Variants in ST7 observed in about 807,000 individuals in gnomAD.
ST7 encodes the protein suppressor of tumorigenicity 7 protein.
A neutral mutation model predicts 78.7 loss-of-function variants in ST7; 28 were observed. The observed-to-expected ratio is 0.36, with a 90% CI of 0.26 to 0.49. ST7 has a LOEUF of 0.49. ST7 is among the 20% of genes least tolerant of loss of function. ST7 has a pLI of 0.99. For synonymous variants in ST7, 247 were observed against 249.6 expected (o/e 0.99, Z 0.10); for missense variants, 418 against 696.0 (o/e 0.60, Z 4.49).
intron 1 of ST7, among the ~76,000 whole-genome samples, chr7:117,034,972 A>G (rs1796801503): frequency 6.6e-6 from 1 of 152,194 alleles, no homozygotes. Flanking sequence ...GGTGATCCGG[A>G]AACAGCATTG....
chr7:117,194,024 C>T (rs1278799957), intron 12 of ST7, among the ~76,000 whole-genome samples: 1 of 152,124 alleles, frequency 6.6e-6, no homozygotes, highest in Non-Finnish European at 1.5e-5. Flanking sequence ...AAGTGTTGCT[C>T]CTTACTACAT....
chr7:117,033,816 A>G (rs1274455037), intron 1 of ST7, among the ~76,000 whole-genome samples: 1 of 152,174 alleles, frequency 6.6e-6, no homozygotes, highest in Non-Finnish European at 1.5e-5. Flanking sequence ...ATAGACTGAA[A>G]TGCTCATTCT....
At chr7:117,130,397 A>G in intron 4 of ST7, 94 bp from the exon 5 acceptor site, 1 of 788,084 alleles carries the variant, frequency 1.3e-6, no homozygotes, top group South Asian at 2.2e-5. Context: ...TATTCAGTTA[A>G]TGGTCTATAT....
At chr7:117,096,900 T>C (rs1002387512) in intron 1 of ST7, among the ~76,000 whole-genome samples, 1 of 152,242 alleles carries the variant, frequency 6.6e-6, no homozygotes, top group Non-Finnish European at 1.5e-5. Flanking sequence ...CTCCATTTAT[T>C]TTAATGCCTA....
rs1177472647 is a variant in ST7 at position 117,099,060 on chromosome 7, AAAAAAC to A, written c.152-696_152-691del. On this transcript the variant is annotated intron_variant, in intron 1 of 15. Transcript: ENST00000323984. ...ACTCACTTTCGCAAAAAAAAAAAAA[AAAAAAC>A]AAAAAAAAAAGAAGAAGAAGAAGGT... is the stretch of plus-strand genomic sequence containing the variant. Among the ~76,000 whole-genome samples, 92 of 144,308 alleles carry A rather than the reference AAAAAAC, an allele frequency of 6.4e-4. 4 individuals are homozygous for A. The highest frequency in any genetic ancestry group is 1.4e-3 in the African/African-American group (53 of 37,956). The allele number at this position is 144,308 out of a possible 152,430, so 94.7% of individuals were successfully genotyped here. A position where few individuals can be genotyped will look rare whatever the true frequency, so the allele number is the denominator to read the frequency against.
chr7:116,957,444 C>T (rs1739777697), intron 1 of ST7, among the ~76,000 whole-genome samples: 1 of 152,006 alleles, frequency 6.6e-6, no homozygotes, highest in South Asian at 2.1e-4. Context: ...GGGATCCTCC[C>T]ACCTCAGCCT....
intron 1 of ST7, among the ~76,000 whole-genome samples, chr7:117,010,949 C>A (rs964716744): frequency 6.6e-6 from 1 of 152,162 alleles, no homozygotes; most frequent in African/African-American, 2.4e-5. Flanking sequence ...GTCTCAGCCC[C>A]TGAGCTGTCC....
At chr7:117,087,866 G>T (rs1256881539) in intron 1 of ST7, among the ~76,000 whole-genome samples, 2 of 151,978 alleles carry the variant, frequency 1.3e-5, no homozygotes, top group Non-Finnish European at 2.9e-5. Flanking sequence ...TATTATAGGC[G>T]CTCCCCTCTG....
At chr7:117,123,746 G>A (rs1450479795) in intron 3 of ST7, among the ~76,000 whole-genome samples, 1 of 152,110 alleles carries the variant, frequency 6.6e-6, no homozygotes, top group Admixed American at 6.6e-5. Flanking sequence ...AGGAACATCT[G>A]TTTGATAATT....
chr7:117,067,514 T>C (rs1250293515), intron 1 of ST7, among the ~76,000 whole-genome samples: 1 of 152,020 alleles, frequency 6.6e-6, no homozygotes, highest in African/African-American at 2.4e-5. Context: ...TGTCAGTGGA[T>C]TGAAAATTAC....
At chr7:116,954,890 A>G in intron 1 of ST7, 1 of 308,472 alleles carries the variant, frequency 3.2e-6, no homozygotes, top group African/African-American at 2.2e-5. Flanking sequence ...TCATTTTGTT[A>G]GGAAACTTGT....
chr7:116,995,036 G>A (rs971501456), intron 1 of ST7, among the ~76,000 whole-genome samples: 1 of 152,054 alleles, frequency 6.6e-6, no homozygotes, highest in Admixed American at 6.6e-5. Flanking sequence ...GAGATTGGGG[G>A]ACTTAAGGAG....
chr7:117,010,463 T>C (rs1472902510), intron 1 of ST7, among the ~76,000 whole-genome samples: 5 of 152,300 alleles, frequency 3.3e-5, no homozygotes, highest in Admixed American at 6.5e-5. Context: ...CCAATGAGGA[T>C]GACAAAACAT....
chr7:116,988,795 A>G (rs1794295922), intron 1 of ST7, among the ~76,000 whole-genome samples: 1 of 152,252 alleles, frequency 6.6e-6, no homozygotes, highest in South Asian at 2.1e-4. Context: ...TGACTATCCA[A>G]CTTGCCTCAG....
At chr7:117,120,929 T>G (rs1165818183) in intron 3 of ST7, among the ~76,000 whole-genome samples, 1 of 152,188 alleles carries the variant, frequency 6.6e-6, no homozygotes, top group African/African-American at 2.4e-5. Flanking sequence ...GGGAAGGGTA[T>G]GAACTCTTCA....
rs1199667038 is a variant in ST7 at position 117,129,776 on chromosome 7, AT to A, written c.395-14del. On this transcript the variant is annotated splice_polypyrimidine_tract_variant and intron_variant, in intron 3 of 15. Transcript: ENST00000323984. ...CTGAACTTACGCGTAACATTTTCAT[AT>A]TTCTCTTTGTTGCAGAATGCAAAGT... 1 of 1,605,452 alleles carries A rather than the reference AT, an allele frequency of 6.2e-7. No individual in the cohort carries two copies. The highest frequency in any genetic ancestry group is 1.1e-5 in the South Asian group (1 of 90,396).
intron 1 of ST7, among the ~76,000 whole-genome samples, chr7:117,033,732 T>C (rs1322797117): frequency 6.6e-6 from 1 of 152,140 alleles, no homozygotes; most frequent in African/African-American, 2.4e-5. Flanking sequence ...CCTCATCCTG[T>C]ATTTTTTAAT....
intron 8 of ST7, chr7:117,137,366 A>G (rs1804879137): frequency 6.6e-6 from 1 of 152,194 alleles, no homozygotes; most frequent in African/African-American, 2.4e-5. Context: ...TTTTAATAAA[A>G]AAGTATTTTA....
intron 1 of ST7, among the ~76,000 whole-genome samples, chr7:117,078,273 T>G (rs1341794337): frequency 5.3e-5 from 8 of 152,234 alleles, no homozygotes; most frequent in African/African-American, 1.9e-4. Flanking sequence ...AACTCCTTGA[T>G]GTTGAGAAGG....
Sources: allele counts gnomAD v4.1 joint callset (sites outside exome capture counted in the v4.1 genomes callset), GRCh38; gene constraint gnomAD v4.1.1; transcripts MANE v1.5; gene names NCBI Gene and HGNC (gene_info 2026-07-23, HGNC 2026-07-21).